LYAR: variants seen among roughly 807,000 people sequenced by gnomAD.
LYAR encodes the protein Ly1 antibody reactive, also known as cell growth-regulating nucleolar protein.
LYAR carries 37 observed loss-of-function variants against 45.2 expected under a neutral mutation model. That is an observed-to-expected ratio of 0.82 (90% CI 0.63 to 1.08). The LOEUF is 1.08. LYAR is among the 50% of genes least tolerant of loss of function. LYAR has a pLI of 0.00. For synonymous variants in LYAR, 176 were observed against 155.1 expected, an observed-to-expected ratio of 1.14 and a Z score of -1.00; for missense variants, 493 against 451.0, an observed-to-expected ratio of 1.09 and a Z score of -0.84.
chr4:4,277,789 G>A (rs1201428659), intron 6 of LYAR, among the ~76,000 whole-genome samples: 2 of 152,198 alleles, frequency 1.3e-5, no homozygotes, highest in African/African-American at 4.8e-5. Flanking sequence ...GAACTGTGAT[G>A]GGGTAGAGGA....
rs191622911 is a variant in LYAR, at chr4:4,279,437, T to A, written c.429+10A>T. ...GCCACAATGCAAATCTAAAATCAGA[T>A]CTGACTTACGCTGTTGGAAGCTTCA... On this transcript the variant is annotated intron_variant, in intron 6 of 9. Coordinates refer to ENST00000343470, the MANE Select transcript of LYAR (RefSeq NM_017816.3). 1.4e-3 allele frequency: 2,165 copies of A among 1,574,546 alleles called. 24 individuals carry two copies. In the African/African-American group the frequency reaches 0.025, roughly 18 times the overall value.
At chr4:4,274,212 GGGC>G (rs1395952858) in intron 7 of LYAR, among the ~76,000 whole-genome samples, 152 bp downstream of exon 7, 2 of 151,896 alleles carry the variant, frequency 1.3e-5, no homozygotes. Flanking sequence ...ACTCCAGCCT[GGGC>G]AACAGAGCAA....
intron 6 of LYAR, among the ~76,000 whole-genome samples, chr4:4,278,928 T>C (rs2108845622): frequency 6.6e-6 from 1 of 152,294 alleles, no homozygotes; most frequent in African/African-American, 2.4e-5. Context: ...GGCACCAGCA[T>C]CAAACATTGG....
chr4:4,272,433 G>C (rs76050646), intron 8 of LYAR, among the ~76,000 whole-genome samples: 1 of 151,750 alleles, frequency 6.6e-6, no homozygotes, highest in Admixed American at 6.5e-5. Context: ...TATATATACT[G>C]TCTTTCCCTA....
rs372542576 is a variant in LYAR at position 4,273,657 on chromosome 4, G to T, written c.845C>A (p.Ser282Tyr). The T allele has an allele frequency of 1.2e-6, 2 of 1,609,684 alleles. No individual in the cohort carries two copies. Among genetic ancestry groups the T allele is most frequent in the Non-Finnish European group, 1.7e-6 (2 of 1,176,810 alleles). Residue 282 changes from serine to tyrosine, a missense_variant, in exon 8 of 10, where the codon TCT becomes TAT. Physicochemically the swap from Ser to Tyr is moderately radical, Grantham distance 144. Coordinates refer to ENST00000343470, the MANE Select transcript of LYAR (RefSeq NM_017816.3). ...KRRHSEVETD[S>Y]KKKKMKLPEH... ...TGGGAGCTTCATCTTTTTCTTCTTAGAATCTGTTTCAACTAAGTATTTGGA... is the reference window on the plus strand; with the variant it reads ...TGGGAGCTTCATCTTTTTCTTCTTATAATCTGTTTCAACTAAGTATTTGGA...
chr4:4,270,177 T>C (rs1316623320), intron 8 of LYAR, among the ~76,000 whole-genome samples: 1 of 150,394 alleles, frequency 6.6e-6, no homozygotes, highest in East Asian at 2.0e-4. Context: ...CACTCCACCC[T>C]GGGCAACAGT....
intron 2 of LYAR, among the ~76,000 whole-genome samples, chr4:4,284,916 C>T (rs1426132858): frequency 6.6e-6 from 1 of 152,188 alleles, no homozygotes; most frequent in East Asian, 1.9e-4. Flanking sequence ...AAATGATCTA[C>T]CCTTGGTTTG....
intron 6 of LYAR, among the ~76,000 whole-genome samples, chr4:4,276,623 G>A (rs1212955550): frequency 1.3e-5 from 2 of 151,808 alleles, no homozygotes; most frequent in South Asian, 2.1e-4. Context: ...TTGGGAGGCC[G>A]AGGTAGGGAG....
intron 8 of LYAR, among the ~76,000 whole-genome samples, chr4:4,269,300 C>G (rs7657468): frequency 0.17 from 25,200 of 152,138 alleles, 4,014 homozygotes; most frequent in African/African-American, 0.41. Flanking sequence ...GACCGGGAAA[C>G]GGCAGCCTAG....
chr4:4,279,612 C>G (rs1427350371), intron 5 of LYAR, 30 bp downstream of exon 5: 1 of 1,582,780 alleles, frequency 6.3e-7, no homozygotes, highest in Admixed American at 1.7e-5. Flanking sequence ...GGCCACACGG[C>G]CCCCTCCATT....
At chr4:4,278,515 G>A (rs1406388269) in intron 6 of LYAR, among the ~76,000 whole-genome samples, 3 of 152,148 alleles carry the variant, frequency 2.0e-5, no homozygotes, top group Non-Finnish European at 4.4e-5. Flanking sequence ...GAAGGAAGGC[G>A]CTTCAAGCAC....
intron 6 of LYAR, 94 bp downstream of exon 6, chr4:4,279,353 A>G (rs1296859677): frequency 1.2e-6 from 1 of 846,370 alleles, no homozygotes. Context: ...AATAAAAAAG[A>G]AGGCTGCCTT....
intron 2 of LYAR, among the ~76,000 whole-genome samples, chr4:4,284,801 G>A (rs1026601980): frequency 8.5e-5 from 13 of 152,178 alleles, no homozygotes; most frequent in Non-Finnish European, 1.5e-4. Flanking sequence ...ACTGAGAACT[G>A]TTTAACCCAG....
At chr4:4,277,175 T>C (rs1362905059) in intron 6 of LYAR, among the ~76,000 whole-genome samples, 1 of 151,998 alleles carries the variant, frequency 6.6e-6, no homozygotes, top group Non-Finnish European at 1.5e-5. Context: ...ACCTCCCGAG[T>C]AGCTGGGATT....
Position 4,273,130 on chromosome 4 carries a change from G to A in LYAR, c.919+453C>T, listed in dbSNP as rs551043317. ...AGGGGCAAGAGAGTTGGGGAGGAGC[G>A]AAAGGGAACCGGGTCTCAGAAAGCT... On this transcript the variant is annotated intron_variant, in intron 8 of 9. Transcript: ENST00000343470. Among the ~76,000 whole-genome samples the A allele has an allele frequency of 1.7e-4, 26 of 152,290 alleles. 1 individual carries two copies. The South Asian group carries it at 4.6e-3, about 27-fold the overall frequency.
In LYAR at chr4:4,274,421, T is replaced by C; in HGVS notation, c.778A>G (p.Ser260Gly). The C allele has an allele frequency of 6.2e-7, 1 of 1,614,020 alleles. No individual in the cohort carries two copies. Reference protein sequence around the residue: ...KKKKQRKDSASEEEARVGAGK... With the variant: ...KKKKQRKDSAGEEEARVGAGK... ...GCGCCCACGCGTGCCTCTTCCTCAC[T>C]GGCGCTGTCCTTGCGCTGCTTCTTC... Residue 260 changes from serine (S) to glycine (G), a missense_variant, in exon 7 of 10, where the codon AGT becomes GGT. By Grantham distance (56) the Ser-to-Gly change is moderately conservative (BLOSUM62 0). Coordinates refer to ENST00000343470, the MANE Select transcript of LYAR (RefSeq NM_017816.3).
intron 8 of LYAR, among the ~76,000 whole-genome samples, chr4:4,270,174 C>A (rs1718876850): frequency 6.6e-6 from 1 of 151,322 alleles, no homozygotes; most frequent in South Asian, 2.1e-4. Flanking sequence ...ATGCACTCCA[C>A]CCTGGGCAAC....
intron 3 of LYAR, among the ~76,000 whole-genome samples, chr4:4,282,424 G>A (rs1719430515): frequency 1.3e-5 from 2 of 152,182 alleles, no homozygotes; most frequent in South Asian, 4.1e-4. Flanking sequence ...GGGAAATGTT[G>A]GGGACAAGGT....
Position 4,279,690 on chromosome 4 carries a change from C to G in LYAR, c.297G>C (p.Glu99Asp), listed in dbSNP as rs74683874. 7.4e-5 allele frequency: 120 copies of G among 1,614,002 alleles called. 1 individual carries two copies. In the African/African-American group the frequency reaches 1.4e-3, roughly 19 times the overall value. ...GAACGTTGTCAAAAGCACTAATTTG[C>G]TCTAAAAGTTCTCTCACTTTGGGGC... ...NVSPKVRELL[E>D]QISAFDNVPR... Residue 99 changes from glutamate (E) to aspartate (D), a missense_variant, in exon 5 of 10, where the codon GAG becomes GAC. Glu to Asp is a conservative substitution (Grantham distance 45, BLOSUM62 2). Transcript: ENST00000343470.
Sources: allele counts gnomAD v4.1 joint callset (sites outside exome capture counted in the v4.1 genomes callset), GRCh38; gene constraint gnomAD v4.1.1; transcripts MANE v1.5; gene names NCBI Gene and HGNC (gene_info 2026-07-23, HGNC 2026-07-21).